The following TBC1D1 variants were observed in gnomAD, a reference collection of about 807,000 sequenced individuals.
TBC1D1 encodes TBC1 (tre-2/USP6, BUB2, cdc16) domain family, member 1.
Under a neutral mutation model 125.6 loss-of-function variants are expected in TBC1D1, and 89 were observed. The ratio of observed to expected loss-of-function variants is 0.71; its 90% CI spans 0.60 to 0.85. The LOEUF (loss-of-function observed/expected upper bound fraction) is 0.85. TBC1D1 is among the 40% of genes least tolerant of loss of function. The pLI is 0.00. For missense variants in TBC1D1, 1,377 were observed against 1,469.2 expected (o/e 0.94, Z 1.03); for synonymous variants, 565 against 564.1 (o/e 1.00, Z -0.02).
chr4:38,103,259 G>A, intron 15 of TBC1D1, 102 bp downstream of exon 17: 1 of 1,271,952 alleles, frequency 7.9e-7, no homozygotes, highest in Non-Finnish European at 1.1e-6. Flanking sequence ...TTTAGGTTTA[G>A]CAATCAAAAT....
At chr4:37,891,995 A>G (rs979575467) in intron 1 of TBC1D1, among the ~76,000 whole-genome samples, 4 of 151,600 alleles carry the variant, frequency 2.6e-5, no homozygotes, top group Admixed American at 6.6e-5. Context: ...TTTTGATTTT[A>G]CTTAACATAG....
intron 2 of TBC1D1, among the ~76,000 whole-genome samples, chr4:37,972,759 G>A (rs756087482): frequency 7.9e-5 from 12 of 151,460 alleles, no homozygotes; most frequent in Non-Finnish European, 1.5e-4. Flanking sequence ...AAAATTAGCC[G>A]TGCGTGGTGG....
chr4:37,977,644 G>A lies in TBC1D1; in HGVS notation c.418-36865G>A, dbSNP rs1488700095. The stretch of plus-strand genomic sequence containing the variant: ...GGGCCGCTGGAGGCCAGGCGCGGCG[G>A]GGGGCGAGCGGCGGGCGCGACCAGG... On this transcript the variant is annotated intron_variant, in intron 2 of 19. Transcript: ENST00000261439. This position sits in a 1 kb window ranked among gnomAD's most constrained non-coding sequence, Gnocchi z 4.3. 8 of 205,724 alleles carry A rather than the reference G, an allele frequency of 3.9e-5. No individual in the cohort carries two copies. Among genetic ancestry groups the A allele is most frequent in the South Asian group, 1.5e-4 (1 of 6,604 alleles). The allele number at this position is 205,724 out of a possible 1,614,324, so 12.7% of individuals were successfully genotyped here. A position where few individuals can be genotyped will look rare whatever the true frequency, so the allele number is the denominator to read the frequency against.
At chr4:37,963,013 T>C (rs1730350462) in intron 2 of TBC1D1, among the ~76,000 whole-genome samples, 1 of 152,184 alleles carries the variant, frequency 6.6e-6, no homozygotes, top group Non-Finnish European at 1.5e-5. Context: ...TTTTTTCAGA[T>C]GTCTCTTTGC....
At chr4:38,030,006 T>A (rs1745827871) in intron 7 of TBC1D1, among the ~76,000 whole-genome samples, 1 of 152,224 alleles carries the variant, frequency 6.6e-6, no homozygotes, top group Non-Finnish European at 1.5e-5. Context: ...GGGGCCTTTT[T>A]CATCTAATGC....
chr4:38,095,967 G>A lies in TBC1D1; in HGVS notation c.2275G>A (p.Asp759Asn), dbSNP rs748063826. The change falls in exon 14 of 20, where the codon GAT (aspartate) becomes AAT (asparagine). Residue 759 changes from aspartate to asparagine, a missense_variant. Around this residue, in one of 3 missense-constraint regions of TBC1D1, gnomAD observed 543 missense variants for 613.5 expected, o/e 0.89. Transcript: ENST00000261439. ...TTTGCTGAACAAGCGCCTGAAGCTC[G>A]ATTATGAAGAAATTACTCCCTGTCT... 16 of 1,613,748 alleles carry A rather than the reference G, an allele frequency of 9.9e-6. No homozygotes were observed. Among genetic ancestry groups the A allele is most frequent in the Admixed American group, 8.3e-5 (5 of 59,964 alleles).
chr4:37,905,926 T>A (rs997187829), intron 2 of TBC1D1, among the ~76,000 whole-genome samples: 1 of 152,230 alleles, frequency 6.6e-6, no homozygotes, highest in African/African-American at 2.4e-5. Flanking sequence ...TGTCTGCAGC[T>A]GATCTGAGGG....
At chr4:37,994,314 G>A (rs1257560085) in intron 2 of TBC1D1, among the ~76,000 whole-genome samples, 3 of 152,062 alleles carry the variant, frequency 2.0e-5, no homozygotes, top group East Asian at 1.9e-4. Flanking sequence ...TTTTTGAGAC[G>A]AGGTCTTGCT....
intron 17 of TBC1D1, among the ~76,000 whole-genome samples, chr4:38,119,121 G>T (rs1419699897): frequency 6.6e-6 from 1 of 152,030 alleles, no homozygotes; most frequent in African/African-American, 2.4e-5. Context: ...AGCATCACTT[G>T]ACAGCTTAAA....
At chr4:38,131,402 T>C (rs1334677667) in intron 18 of TBC1D1, among the ~76,000 whole-genome samples, 1 of 152,260 alleles carries the variant, frequency 6.6e-6, no homozygotes, top group East Asian at 1.9e-4. Flanking sequence ...CTGTTCAGAC[T>C]ATTCAGAAGT....
intron 17 of TBC1D1, chr4:38,120,160 A>G (rs1763619697): frequency 9.6e-6 from 9 of 942,400 alleles, no homozygotes; most frequent in African/African-American, 1.8e-5. Flanking sequence ...TCGGAGTTTC[A>G]TAAACATTAT....
chr4:38,105,997 A>G (rs1019594348), intron 15 of TBC1D1, among the ~76,000 whole-genome samples: 1 of 152,172 alleles, frequency 6.6e-6, no homozygotes, highest in African/African-American at 2.4e-5. Flanking sequence ...AGCTCTTAGC[A>G]GAACCTGTAT....
rs1758184033 is a variant in TBC1D1, at chr4:38,090,112, T to C, written c.2231T>C (p.Leu744Pro). 5.6e-6 allele frequency: 9 copies of C among 1,614,040 alleles called. No homozygotes were observed. Among genetic ancestry groups the C allele is most frequent in the Non-Finnish European group, 7.6e-6 (9 of 1,179,956 alleles). Reference sequence around the variant, plus strand: ...AGAATGGAGAAGGAAAATCAGAAGCTCCAAGGTTGGTTTGCCATCTTGATA... The same window carrying C: ...AGAATGGAGAAGGAAAATCAGAAGCCCCAAGGTTGGTTTGCCATCTTGATA... Residue 744 changes from leucine to proline, a missense_variant, in exon 13 of 20, where the codon CTC becomes CCC. By Grantham distance (98) the Leu-to-Pro change is moderately conservative. Coordinates refer to ENST00000261439, the MANE Select transcript of TBC1D1 (RefSeq NM_015173.4).
At chr4:37,978,662 T>C (rs2152361208) in intron 2 of TBC1D1, among the ~76,000 whole-genome samples, 1 of 152,376 alleles carries the variant, frequency 6.6e-6, no homozygotes, top group African/African-American at 2.4e-5. Context: ...TCTTACTAGG[T>C]AAATAACATT....
At chr4:37,966,563 AC>A (rs1273243468) in intron 2 of TBC1D1, among the ~76,000 whole-genome samples, 4 of 152,208 alleles carry the variant, frequency 2.6e-5, no homozygotes, top group African/African-American at 9.6e-5. Flanking sequence ...ACGCATAGAG[AC>A]TAAGATGCAG....
intron 2 of TBC1D1, among the ~76,000 whole-genome samples, chr4:37,978,071 G>A (rs1733608728): frequency 6.6e-6 from 1 of 152,206 alleles, no homozygotes; most frequent in South Asian, 2.1e-4. Context: ...GTTTTAAATA[G>A]AAGTTTTTAA....
At chr4:37,898,504 TAG>T (rs1226002112) in intron 1 of TBC1D1, among the ~76,000 whole-genome samples, 2 of 152,186 alleles carry the variant, frequency 1.3e-5, no homozygotes, top group Admixed American at 6.5e-5. Flanking sequence ...AAGATAGAAA[TAG>T]AGTCTTCCTC....
intron 17 of TBC1D1, among the ~76,000 whole-genome samples, chr4:38,123,190 T>G (rs984470336): frequency 3.9e-5 from 6 of 152,198 alleles, no homozygotes; most frequent in Non-Finnish European, 7.3e-5. Flanking sequence ...ATCACTGGTG[T>G]TGTAGGGAAA....
At position 38,010,709 on chromosome 4, in the gene TBC1D1, C is replaced by T. The variant is rs1560612141; in HGVS notation, c.418-3800C>T. ...CCCCTATCCAGGTCACCACCAAATC[C>T]TGTTAGTCCTGTCTTCCAGAATCTT... On this transcript the variant is annotated intron_variant, in intron 2 of 19. Coordinates refer to ENST00000261439, the MANE Select transcript of TBC1D1 (RefSeq NM_015173.4). Among the ~76,000 whole-genome samples, 3 of 152,350 alleles carry T rather than the reference C, an allele frequency of 2.0e-5. No homozygotes were observed. The South Asian group carries it at 6.2e-4, about 32-fold the overall frequency.
Sources: gnomAD v4.1 joint callset for allele counts (sites outside exome capture counted in the v4.1 genomes callset) on GRCh38, gnomAD v4.1.1 for gene constraint, gnomAD v4.1.1 regional missense constraint, Gnocchi (gnomAD v3.1) non-coding constraint, MANE v1.5 for transcripts, NCBI Gene and HGNC (gene_info 2026-07-23, HGNC 2026-07-21) for gene names.